Variants in MYBL2 observed in about 807,000 individuals in gnomAD.
MYBL2 encodes the protein MYB proto-oncogene like 2.
MYBL2 carries 28 observed loss-of-function variants against 79.9 expected under a neutral mutation model. That is an observed-to-expected ratio of 0.35 (90% CI 0.26 to 0.48). The LOEUF (loss-of-function observed/expected upper bound fraction) is 0.48. MYBL2 is among the 20% of genes least tolerant of loss of function. The pLI, the probability that MYBL2 is intolerant of heterozygous loss-of-function variation, is 0.99. For synonymous variants in MYBL2, 378 were observed against 361.2 expected, an observed-to-expected ratio of 1.05 and a Z score of -0.53; for missense variants, 735 against 893.9, an observed-to-expected ratio of 0.82 and a Z score of 2.27.
intron 4 of MYBL2, among the ~76,000 whole-genome samples, chr20:43,685,173 A>C (rs958189282): frequency 2.2e-4 from 33 of 151,658 alleles, no homozygotes; most frequent in Admixed American, 5.2e-4. Flanking sequence ...AGAATGAAAT[A>C]AAATTTATTT....
intron 9 of MYBL2, among the ~76,000 whole-genome samples, chr20:43,706,719 G>GTGTTTTTTTTGT (rs1987791193): frequency 1.4e-5 from 1 of 70,780 alleles, no homozygotes; most frequent in Admixed American, 1.8e-4. Flanking sequence ...AAAAAAAAAA[G>GTGTTTTTTTTGT]TTTTTTTTTT....
intron 5 of MYBL2, among the ~76,000 whole-genome samples, chr20:43,691,786 G>A (rs1486094353): frequency 2.6e-5 from 4 of 151,668 alleles, no homozygotes; most frequent in African/African-American, 9.7e-5. Flanking sequence ...TGATCTGCTC[G>A]CCTAGGCCGC....
chr20:43,692,693 A>T (rs914962104), intron 6 of MYBL2, among the ~76,000 whole-genome samples: 7 of 152,204 alleles, frequency 4.6e-5, no homozygotes, highest in African/African-American at 1.7e-4. Flanking sequence ...CAGCAAGTTG[A>T]GAGGCTGAAG....
At chr20:43,670,387 T>C (rs1188082089) in intron 1 of MYBL2, among the ~76,000 whole-genome samples, 2 of 152,208 alleles carry the variant, frequency 1.3e-5, no homozygotes, top group Non-Finnish European at 2.9e-5. Context: ...GATCCTTCTG[T>C]ATTGCTGACT....
chr20:43,667,557 T>C (rs1192104534), intron 1 of MYBL2, among the ~76,000 whole-genome samples: 1 of 152,048 alleles, frequency 6.6e-6, no homozygotes, highest in African/African-American at 2.4e-5. Context: ...GGCGGGTCTC[T>C]TGGGACCCGG....
At chr20:43,678,721 G>A (rs958691449) in intron 2 of MYBL2, among the ~76,000 whole-genome samples, 2 of 151,960 alleles carry the variant, frequency 1.3e-5, no homozygotes, top group African/African-American at 2.4e-5. Context: ...AGCTGGGTGT[G>A]GTTGTGGGCA....
chr20:43,691,206 G>A (rs1987397626), intron 5 of MYBL2, among the ~76,000 whole-genome samples: 2 of 152,220 alleles, frequency 1.3e-5, no homozygotes, highest in South Asian at 4.1e-4. Context: ...CAGTGGAAAT[G>A]AGCAGACAGT....
chr20:43,682,312 C>T (rs1379892698), intron 3 of MYBL2, among the ~76,000 whole-genome samples: 2 of 151,142 alleles, frequency 1.3e-5, no homozygotes, highest in Non-Finnish European at 2.9e-5. Flanking sequence ...CCTTCTCAGG[C>T]CCTCCCACCC....
chr20:43,667,389 C>T (rs1986743661), intron 1 of MYBL2, 86 bp downstream of exon 1: 3 of 967,736 alleles, frequency 3.1e-6, no homozygotes, highest in Non-Finnish European at 4.0e-6. Flanking sequence ...CCTCCCCAGG[C>T]TCCCACCAAG....
chr20:43,705,936 G>A (rs1987772459), intron 9 of MYBL2, among the ~76,000 whole-genome samples: 2 of 152,024 alleles, frequency 1.3e-5, no homozygotes, highest in South Asian at 2.1e-4. Context: ...TCCTGACCTC[G>A]TGATCCTCCT....
intron 4 of MYBL2, among the ~76,000 whole-genome samples, chr20:43,683,123 G>A (rs1300281488): frequency 1.3e-5 from 2 of 152,134 alleles, no homozygotes; most frequent in South Asian, 2.1e-4. Context: ...CTGATTACTC[G>A]GCTTCTCTTG....
chr20:43,668,899 CTG>C (rs1278778786), intron 1 of MYBL2, among the ~76,000 whole-genome samples: 1 of 152,150 alleles, frequency 6.6e-6, no homozygotes, highest in African/African-American at 2.4e-5. Flanking sequence ...CAGAGCCACT[CTG>C]TGTTGCCCAG....
intron 11 of MYBL2, 54 bp from the exon 12 acceptor site, chr20:43,712,948 A>C: frequency 7.2e-7 from 1 of 1,392,820 alleles, no homozygotes; most frequent in Non-Finnish European, 1.0e-6. Context: ...CCAGGTGCTG[A>C]CCATGGGGAA....
At chr20:43,675,009 T>C (rs947772865) in intron 2 of MYBL2, among the ~76,000 whole-genome samples, 1 of 151,862 alleles carries the variant, frequency 6.6e-6, no homozygotes, top group African/African-American at 2.4e-5. Context: ...TGAGACAGGG[T>C]TTTTGCTCTG....
At chr20:43,674,705 A>AT (rs1298330553) in intron 2 of MYBL2, among the ~76,000 whole-genome samples, 1 of 149,978 alleles carries the variant, frequency 6.7e-6, no homozygotes, top group Non-Finnish European at 1.5e-5. Context: ...TAATTTTTGT[A>AT]TTTTTTAGTA....
intron 6 of MYBL2, among the ~76,000 whole-genome samples, chr20:43,698,025 C>T (rs1267856381): frequency 1.3e-5 from 2 of 148,464 alleles, no homozygotes; most frequent in Non-Finnish European, 3.0e-5. Flanking sequence ...AACAAATTAC[C>T]CCTTAATTTG....
chr20:43,711,252 GC>G (rs1175207980), intron 10 of MYBL2, among the ~76,000 whole-genome samples: 4 of 152,332 alleles, frequency 2.6e-5, no homozygotes, highest in Non-Finnish European at 2.9e-5. Flanking sequence ...GGGTTACAGT[GC>G]GTCTCTGGGC....
intron 6 of MYBL2, among the ~76,000 whole-genome samples, chr20:43,695,562 A>G (rs1431329081): frequency 6.6e-6 from 1 of 151,916 alleles, no homozygotes; most frequent in Non-Finnish European, 1.5e-5. Context: ...GGTGGGGGGA[A>G]CCCTTTTGGC....
chr20:43,689,429 G>A (rs1285338646), intron 5 of MYBL2, among the ~76,000 whole-genome samples: 2 of 152,158 alleles, frequency 1.3e-5, no homozygotes. Flanking sequence ...TTGATCCACT[G>A]TCACTTGTGC....
Sources: allele counts gnomAD v4.1 joint callset (sites outside exome capture counted in the v4.1 genomes callset), GRCh38; gene constraint gnomAD v4.1.1; transcripts MANE v1.5; gene names NCBI Gene and HGNC (gene_info 2026-07-23, HGNC 2026-07-21).